Variants in MAGI1 observed in about 807,000 individuals in gnomAD.
MAGI1 encodes the protein membrane-associated guanylate kinase, WW and PDZ domain-containing protein 1.
Under a neutral mutation model 139.9 loss-of-function variants are expected in MAGI1, and 58 were observed. The observed-to-expected ratio is 0.41, with a 90% confidence interval of 0.34 to 0.52. MAGI1 has a LOEUF of 0.52. MAGI1 is among the 20% of genes least tolerant of loss of function. The pLI is 0.12. For synonymous variants in MAGI1, 812 were observed against 737.9 expected, an observed-to-expected ratio of 1.10 and a Z score of -1.63; for missense variants, 1,874 against 1,901.6, an observed-to-expected ratio of 0.99 and a Z score of 0.27.
chr3:65,425,128 AAAAAC>A (rs1328896284), intron 12 of MAGI1, among the ~76,000 whole-genome samples: 539 of 41,166 alleles, frequency 0.013, 35 homozygotes, highest in Middle Eastern at 0.021. Flanking sequence ...AAAAAAAAAA[AAAAAC>A]AAAAAAAAAC....
At chr3:65,554,574 C>A (rs950158388) in intron 2 of MAGI1, among the ~76,000 whole-genome samples, 1 of 152,172 alleles carries the variant, frequency 6.6e-6, no homozygotes, top group Non-Finnish European at 1.5e-5. Context: ...AAAGAAGAAG[C>A]AACACAACAC....
intron 1 of MAGI1, among the ~76,000 whole-genome samples, chr3:65,725,923 C>T (rs1019353348): frequency 6.6e-6 from 1 of 151,928 alleles, no homozygotes; most frequent in Admixed American, 6.6e-5. Flanking sequence ...TAAGTTAATT[C>T]GTCATAAAAA....
At chr3:66,021,888 A>G (rs181445471) in intron 1 of MAGI1, among the ~76,000 whole-genome samples, 2 of 152,248 alleles carry the variant, frequency 1.3e-5, no homozygotes, top group Admixed American at 1.3e-4. Context: ...CATTCACCCA[A>G]ATCCAATGTG....
Position 65,387,198 on chromosome 3 carries a change from C to A in MAGI1, c.2417-3575G>T, listed in dbSNP as rs760385793. The A allele has an allele frequency of 2.3e-5, 37 of 1,613,952 alleles. 1 individual carries two copies. The South Asian group carries it at 3.6e-4, about 16-fold the overall frequency. ...TTTCTCTCTCTCTCTCACCCTTGCT[C>A]AATCCCGACGCAGGTGAAGGTGACA... On this transcript the variant is annotated intron_variant, in intron 14 of 22. Transcript: ENST00000402939.
Position 65,840,165 on chromosome 3 carries a change from T to C in MAGI1, c.313+197831A>G, listed in dbSNP as rs150446058. The stretch of plus-strand genomic sequence containing the variant: ...GTTCTAAGATTTTTTTTTTTTTTGG[T>C]AGATTTCTTAGGCTTTTCTCTGTAG... On this transcript the variant is annotated intron_variant, in intron 1 of 22. Coordinates refer to ENST00000402939, the MANE Select transcript of MAGI1 (RefSeq NM_001033057.2). 3.2e-3 allele frequency among the ~76,000 whole-genome samples: 487 copies of C among 150,110 alleles called. 6 individuals are homozygous for C. The highest frequency in any genetic ancestry group is 0.012 in the African/African-American group (474 of 40,496).
Position 65,357,109 on chromosome 3 carries a change from G to C in MAGI1, c.3658C>G (p.Pro1220Ala). The change falls in exon 23 of 23, where the codon CCC becomes GCC. Residue 1220 changes from proline (P) to alanine (A), a missense_variant. Pro to Ala is a conservative substitution (Grantham distance 27). Around this residue, in one of 5 missense-constraint regions of MAGI1, gnomAD observed 653 missense variants for 644.5 expected, o/e 1.01. Coordinates refer to ENST00000402939, the MANE Select transcript of MAGI1 (RefSeq NM_001033057.2). The stretch of plus-strand genomic sequence containing the variant: ...GGAACACCTTGTGGACCGGTGGCGG[G>C]GCCGTGGCGGTCGCTGCTGGGGTCT... ...EYDPSSDRHG[P>A]ATGPQGVPEV... 1 of 1,612,648 alleles carries C rather than the reference G, an allele frequency of 6.2e-7. No individual in the cohort carries two copies. The highest frequency in any genetic ancestry group is 8.5e-7 in the Non-Finnish European group (1 of 1,179,068).
intron 1 of MAGI1, among the ~76,000 whole-genome samples, chr3:65,985,424 G>T (rs1455751741): frequency 6.6e-6 from 1 of 152,132 alleles, no homozygotes; most frequent in African/African-American, 2.4e-5. Flanking sequence ...GAATTAGTTG[G>T]TATACAGGCT....
intron 4 of MAGI1, among the ~76,000 whole-genome samples, chr3:65,475,086 G>C (rs1950804629): frequency 6.6e-6 from 1 of 151,610 alleles, no homozygotes; most frequent in African/African-American, 2.4e-5. Flanking sequence ...TAATGTTTAA[G>C]AATATCAGGG....
At chr3:65,762,342 A>G (rs2037102154) in intron 1 of MAGI1, among the ~76,000 whole-genome samples, 1 of 152,162 alleles carries the variant, frequency 6.6e-6, no homozygotes, top group African/African-American at 2.4e-5. Flanking sequence ...AAGGAGATAC[A>G]TGTAGCAGAG....
At chr3:65,575,669 A>G (rs1204650834) in intron 2 of MAGI1, among the ~76,000 whole-genome samples, 1 of 152,200 alleles carries the variant, frequency 6.6e-6, no homozygotes, top group Non-Finnish European at 1.5e-5. Context: ...CATCCATACC[A>G]TGAGATACTA....
At position 65,751,271 on chromosome 3, in the gene MAGI1, A is replaced by C. The variant is rs76855585; in HGVS notation, c.314-129183T>G. ...AAGATCCTTCAGCTGGAGGCTTCTC[A>C]TGAAGAAAGAAATTGTCCTGCCCCC... On this transcript the variant is annotated intron_variant, in intron 1 of 22. Transcript: ENST00000402939. Among the ~76,000 whole-genome samples, 1,203 of 152,350 alleles carry C rather than the reference A, an allele frequency of 7.9e-3. 25 individuals are homozygous for C. The highest frequency in any genetic ancestry group is 0.028 in the African/African-American group (1,153 of 41,576).
chr3:65,413,480 C>T (rs886920250), intron 12 of MAGI1, among the ~76,000 whole-genome samples: 3 of 152,160 alleles, frequency 2.0e-5, no homozygotes, highest in Non-Finnish European at 4.4e-5. Context: ...TTCCAAAGAG[C>T]ATGGACATAC....
chr3:65,479,344 A>G (rs1238581758), intron 3 of MAGI1, among the ~76,000 whole-genome samples: 1 of 152,076 alleles, frequency 6.6e-6, no homozygotes, highest in Non-Finnish European at 1.5e-5. Context: ...CATGCGGGGT[A>G]GGAAAAAACC....
At chr3:65,583,415 C>A (rs1043334811) in intron 2 of MAGI1, among the ~76,000 whole-genome samples, 1 of 152,142 alleles carries the variant, frequency 6.6e-6, no homozygotes, top group Non-Finnish European at 1.5e-5. Flanking sequence ...GATAGAGTTA[C>A]CCTGTCTCTC....
chr3:65,444,003 G>A (rs1294645591), intron 7 of MAGI1, among the ~76,000 whole-genome samples: 1 of 152,066 alleles, frequency 6.6e-6, no homozygotes, highest in Non-Finnish European at 1.5e-5. Flanking sequence ...AACACATACA[G>A]GCTAATTACT....
At chr3:65,917,356 C>A (rs1413908840) in intron 1 of MAGI1, among the ~76,000 whole-genome samples, 1 of 152,184 alleles carries the variant, frequency 6.6e-6, no homozygotes, top group Non-Finnish European at 1.5e-5. Flanking sequence ...GGTGGGAATG[C>A]AAAATTATAT....
At chr3:65,457,070 C>G (rs982494345) in intron 5 of MAGI1, among the ~76,000 whole-genome samples, 2 of 152,208 alleles carry the variant, frequency 1.3e-5, no homozygotes, top group East Asian at 1.9e-4. Context: ...ATAAACTTGT[C>G]TGTATCTACA....
intron 1 of MAGI1, among the ~76,000 whole-genome samples, chr3:65,684,390 G>A (rs2087842709): frequency 6.6e-6 from 1 of 151,996 alleles, no homozygotes; most frequent in Non-Finnish European, 1.5e-5. Context: ...TTAAACTGTG[G>A]TATACACATA....
chr3:65,619,899 A>G, intron 2 of MAGI1: 1 of 985,190 alleles, frequency 1.0e-6, no homozygotes, highest in South Asian at 4.7e-5. Context: ...CAAATTCCTG[A>G]TTTACTGGTT....
Sources: allele counts gnomAD v4.1 joint callset (sites outside exome capture counted in the v4.1 genomes callset), GRCh38; gene constraint gnomAD v4.1.1; regional missense constraint gnomAD v4.1.1; transcripts MANE v1.5; gene names NCBI Gene and HGNC (gene_info 2026-07-23, HGNC 2026-07-21).